The following CCZ1B variants were observed in gnomAD, a reference collection of about 807,000 sequenced individuals.
The protein encoded by CCZ1B is CCZ1B vacuolar protein trafficking and biogenesis associated, also known as vacuolar fusion protein CCZ1 homolog B.
CCZ1B carries 25 observed loss-of-function variants against 58.8 expected under a neutral mutation model. That is an observed-to-expected ratio of 0.43 (90% CI 0.31 to 0.59). The LOEUF (loss-of-function observed/expected upper bound fraction) is 0.59. CCZ1B is among the 20% of genes least tolerant of loss of function. The probability of loss-of-function intolerance (pLI) is 0.12; values close to 1 mark genes in which losing one functional copy is unlikely to be tolerated. For synonymous variants in CCZ1B, 66 were observed against 173.2 expected (o/e 0.38, Z 4.86); for missense variants, 180 against 501.5 (o/e 0.36, Z 6.12).
chr7:6,800,802 G>GA, intron 14 of CCZ1B, 146 bp downstream of exon 14: 1 of 333,526 alleles, frequency 3.0e-6, no homozygotes, highest in Non-Finnish European at 4.9e-6. Context: ...CCAAGGAACA[G>GA]AAAATGGATC....
chr7:6,821,143 G>C (rs1194334097), intron 6 of CCZ1B, among the ~76,000 whole-genome samples: 1 of 149,282 alleles, frequency 6.7e-6, no homozygotes, highest in Non-Finnish European at 1.5e-5. Context: ...AGAATAGCTG[G>C]GATTACAGGC....
chr7:6,819,390 C>A (rs1468532729), intron 7 of CCZ1B, among the ~76,000 whole-genome samples: 1 of 148,158 alleles, frequency 6.7e-6, no homozygotes, highest in Non-Finnish European at 1.5e-5. Context: ...CATGCACCAC[C>A]ACGCCCAGCT....
At position 6,816,201 on chromosome 7, in the gene CCZ1B, C is replaced by T. The variant is rs569284787; in HGVS notation, c.699-1356G>A. The stretch of plus-strand genomic sequence containing the variant: ...ATCACTGAAATACCGTGAAGGTGGT[C>T]GGGCGCGGAAGCTCACACCTGTAAT... On this transcript the variant is annotated intron_variant, in intron 7 of 14. Coordinates refer to ENST00000316731, the MANE Select transcript of CCZ1B (RefSeq NM_198097.5). 9.4e-5 allele frequency among the ~76,000 whole-genome samples: 14 copies of T among 148,162 alleles called. 2 individuals carry two copies. Among genetic ancestry groups the T allele is most frequent in the African/African-American group, 2.8e-4 (11 of 38,860 alleles).
chr7:6,823,286 T>C (rs1292673346), intron 5 of CCZ1B, 27 bp downstream of exon 5: 3 of 1,604,744 alleles, frequency 1.9e-6, no homozygotes, highest in Non-Finnish European at 2.6e-6. Flanking sequence ...GGTTGGACTC[T>C]GAGTTGAGAA....
chr7:6,816,046 G>A (rs1283402909), intron 7 of CCZ1B, among the ~76,000 whole-genome samples: 1 of 147,882 alleles, frequency 6.8e-6, no homozygotes, highest in African/African-American at 2.6e-5. Context: ...CAAACCATCT[G>A]ATCTGAAATG....
rs1783163128 is a variant in CCZ1B, at chr7:6,824,454, C to A, written c.312+1G>T. The A allele has an allele frequency of 6.2e-7, 1 of 1,605,142 alleles. No individual in the cohort carries two copies. Among genetic ancestry groups the A allele is most frequent in the Non-Finnish European group, 8.5e-7 (1 of 1,177,096 alleles). ...GAAAGATACACTGTGTGTGTAAATA[C>A]CATGACCATCCAGAAATTTTCTTCT... On this transcript the variant is annotated splice_donor_variant, in intron 3 of 14. Transcript: ENST00000316731. LOFTEE classifies it high-confidence loss of function.
intron 12 of CCZ1B, among the ~76,000 whole-genome samples, chr7:6,804,143 G>A (rs1488557151): frequency 2.7e-5 from 4 of 150,160 alleles, no homozygotes; most frequent in African/African-American, 9.8e-5. Flanking sequence ...AGATAGGCAT[G>A]GCCGGGTGCG....
rs191836531 is a variant in CCZ1B, at chr7:6,814,325, A to G, written c.780+439T>C. Among the ~76,000 whole-genome samples, 801 of 149,382 alleles carry G rather than the reference A, an allele frequency of 5.4e-3. 69 individuals carry two copies. The highest frequency in any genetic ancestry group is 0.019 in the African/African-American group (757 of 39,414). ...GCCAAGGTGGGCAGATCACAAGGTC[A>G]GGAGTTCGAGACCAGCCTGGCCAAC... On this transcript the variant is annotated intron_variant, in intron 8 of 14. Transcript: ENST00000316731.
rs12539152 is a variant in CCZ1B at position 6,821,989 on chromosome 7, A to G, written c.522+292T>C. 1.5e-3 allele frequency among the ~76,000 whole-genome samples: 230 copies of G among 149,706 alleles called. 3 individuals are homozygous for G. Among genetic ancestry groups the G allele is most frequent in the East Asian group, 0.011 (58 of 5,180 alleles). On this transcript the variant is annotated intron_variant, in intron 6 of 14. Coordinates refer to ENST00000316731, the MANE Select transcript of CCZ1B (RefSeq NM_198097.5). ...AAAGATGGCTGCTGAGTAAGCCCAG[A>G]AGGACAGATGCAGGTAAAACACAGG...
intron 12 of CCZ1B, among the ~76,000 whole-genome samples, chr7:6,804,565 C>T (rs1278513103): frequency 1.0e-5 from 1 of 98,260 alleles, no homozygotes; most frequent in Non-Finnish European, 2.0e-5. Context: ...ACATCCCAGC[C>T]AGTTTCCCCT....
intron 4 of CCZ1B, among the ~76,000 whole-genome samples, 156 bp from the exon 5 acceptor site, chr7:6,823,516 T>C (rs1241797188): frequency 1.6e-5 from 1 of 61,382 alleles, no homozygotes; most frequent in Non-Finnish European, 2.9e-5. Context: ...GTTTGCGTTC[T>C]TTTTTTTTTT....
intron 12 of CCZ1B, among the ~76,000 whole-genome samples, chr7:6,803,688 G>A (rs1782792642): frequency 6.8e-6 from 1 of 146,800 alleles, no homozygotes; most frequent in African/African-American, 2.5e-5. Context: ...TATGGGCCGG[G>A]CGCGGTGGCT....
intron 10 of CCZ1B, among the ~76,000 whole-genome samples, chr7:6,808,264 C>T (rs2711219): frequency 0.017 from 2,070 of 118,696 alleles, 55 homozygotes; most frequent in African/African-American, 0.054. Context: ...CAACACTCCA[C>T]AGACACAGCC....
Position 6,820,906 on chromosome 7 carries a change from ACT to A in CCZ1B, c.523-967_523-966del, listed in dbSNP as rs1416571772. On this transcript the variant is annotated intron_variant, in intron 6 of 14. Coordinates refer to ENST00000316731, the MANE Select transcript of CCZ1B (RefSeq NM_198097.5). The stretch of plus-strand genomic sequence containing the variant: ...CTCTAGCCTGGGTGACAAGAGTAAG[ACT>A]CTGTCTCAAAAAAAAAAAAAAAAAT... Among the ~76,000 whole-genome samples the A allele has an allele frequency of 3.8e-5, 5 of 130,786 alleles. 1 individual carries two copies. The highest frequency in any genetic ancestry group is 8.1e-5 in the Non-Finnish European group (5 of 61,820). The allele number at this position is 130,786 out of a possible 152,430, so 85.8% of individuals were successfully genotyped here.
intron 5 of CCZ1B, among the ~76,000 whole-genome samples, chr7:6,822,652 G>GT (rs1319791764): frequency 1.4e-5 from 2 of 143,106 alleles, no homozygotes; most frequent in Non-Finnish European, 3.0e-5. Context: ...CCACATTTCT[G>GT]TTTTTTTATT....
chr7:6,808,408 A>ACAACAC (rs1455929678), intron 10 of CCZ1B, among the ~76,000 whole-genome samples: 1 of 122,446 alleles, frequency 8.2e-6, no homozygotes, highest in Non-Finnish European at 1.8e-5. Flanking sequence ...ACAAAAAACA[A>ACAACAC]AACAAAAACC....
At chr7:6,823,635 C>T (rs1422175809) in intron 4 of CCZ1B, among the ~76,000 whole-genome samples, 1 of 150,314 alleles carries the variant, frequency 6.7e-6, no homozygotes, top group Non-Finnish European at 1.5e-5. Context: ...TCTCCTGCCT[C>T]AGCCTCCTGA....
Position 6,824,284 on chromosome 7 carries a change from C to A in CCZ1B, c.313-118G>T, listed in dbSNP as rs1783160558. The A allele has an allele frequency of 3.9e-6, 6 of 1,533,046 alleles. No homozygotes were observed. In the South Asian group the frequency reaches 7.5e-5, roughly 19 times the overall value. The allele number at this position is 1,533,046 out of a possible 1,614,324, so 95.0% of individuals were successfully genotyped here. ...CAGAAACACAACTTCTTAAAACAGC[C>A]CCAAGAATGAATAAAGCAAATAGGA... On this transcript the variant is annotated intron_variant, in intron 3 of 14. Transcript: ENST00000316731.
chr7:6,822,295 T>C lies in CCZ1B; in HGVS notation c.508A>G (p.Lys170Glu). 1 of 1,586,308 alleles carries C rather than the reference T, an allele frequency of 6.3e-7. No homozygotes were observed. The highest frequency in any genetic ancestry group is 8.5e-7 in the Non-Finnish European group (1 of 1,172,344). Reference sequence around the variant, plus strand: ...AAAATACTTACCCGATGGAAGAATTTCTCTAATCTTTCTTTCAGAAGCTTG... The same window carrying C: ...AAAATACTTACCCGATGGAAGAATTCCTCTAATCTTTCTTTCAGAAGCTTG... ...GVKLLKERLE[K>E]FFHRYLQTLH... The change falls in exon 6 of 15, where the codon AAA (lysine) becomes GAA (glutamate). Residue 170 changes from lysine to glutamate, a missense_variant. Physicochemically the swap from Lys to Glu is moderately conservative, Grantham distance 56. Coordinates refer to ENST00000316731, the MANE Select transcript of CCZ1B (RefSeq NM_198097.5).
Sources: gnomAD v4.1 joint callset for allele counts (sites outside exome capture counted in the v4.1 genomes callset) on GRCh38, gnomAD v4.1.1 for gene constraint, MANE v1.5 for transcripts, NCBI Gene and HGNC (gene_info 2026-07-23, HGNC 2026-07-21) for gene names.